Variants in MAP3K7 observed in about 807,000 individuals in gnomAD.
MAP3K7 encodes the protein TGF-beta activated kinase 1.
In MAP3K7, 21 loss-of-function variants were observed where a neutral mutation model predicts 84.8. The observed-to-expected ratio is 0.25, with a 90% CI of 0.18 to 0.36. The LOEUF (loss-of-function observed/expected upper bound fraction) is 0.36, where lower values mean the gene tolerates loss of function less well. MAP3K7 is among the 10% of genes least tolerant of loss of function. The pLI, the probability that MAP3K7 is intolerant of heterozygous loss-of-function variation, is 1.00. For synonymous variants in MAP3K7, 241 were observed against 247.7 expected (o/e 0.97, Z 0.25); for missense variants, 503 against 747.7 (o/e 0.67, Z 3.82).
chr6:90,532,589 C>T (rs536317132), intron 13 of MAP3K7, among the ~76,000 whole-genome samples: 7 of 152,144 alleles, frequency 4.6e-5, no homozygotes, highest in Admixed American at 1.3e-4. Flanking sequence ...ATCTTGCAGT[C>T]GTAATTTTCA....
intron 12 of MAP3K7, among the ~76,000 whole-genome samples, chr6:90,541,955 G>C (rs1775866700): frequency 6.6e-6 from 1 of 151,874 alleles, no homozygotes; most frequent in African/African-American, 2.4e-5. Context: ...TTGGCCAAAG[G>C]GAAGTATTAA....
chr6:90,584,637 T>A (rs964308212), intron 1 of MAP3K7, among the ~76,000 whole-genome samples: 1 of 152,144 alleles, frequency 6.6e-6, no homozygotes, highest in Non-Finnish European at 1.5e-5. Flanking sequence ...AGTAATTTGT[T>A]TTTCCCTGAA....
At chr6:90,560,620 A>T (rs972822931) in intron 4 of MAP3K7, among the ~76,000 whole-genome samples, 3 of 152,178 alleles carry the variant, frequency 2.0e-5, no homozygotes, top group Non-Finnish European at 2.9e-5. Context: ...TTGGCCTCCC[A>T]AAGTGCTGGG....
chr6:90,585,623 C>G (rs1033781168), intron 1 of MAP3K7, among the ~76,000 whole-genome samples: 6 of 148,958 alleles, frequency 4.0e-5, no homozygotes, highest in Non-Finnish European at 8.8e-5. Flanking sequence ...TTTTACTTTT[C>G]TAAATTTTAT....
chr6:90,548,281 C>T, intron 9 of MAP3K7, 104 bp from the exon 10 acceptor site: 1 of 969,150 alleles, frequency 1.0e-6, no homozygotes, highest in Non-Finnish European at 1.5e-6. Context: ...CAGGCAGGAA[C>T]AGAAATAAAA....
At chr6:90,544,451 T>A (rs1775940273) in intron 12 of MAP3K7, 101 bp downstream of exon 12, 12 of 1,002,050 alleles carry the variant, frequency 1.2e-5, no homozygotes, top group Non-Finnish European at 1.7e-5. Flanking sequence ...GGTATCCATT[T>A]TCATGTCTTG....
chr6:90,543,094 T>A (rs200931550), intron 12 of MAP3K7, among the ~76,000 whole-genome samples: 1 of 18,462 alleles, frequency 5.4e-5, no homozygotes, highest in South Asian at 1.6e-3. Flanking sequence ...TTCAGCGGTA[T>A]GTAAGTTTAA....
At position 90,518,489 on chromosome 6, in the gene MAP3K7, T is replaced by C; in HGVS notation, c.1598A>G (p.Tyr533Cys). The change falls in exon 16 of 17, where the codon TAT becomes TGT. Residue 533 changes from tyrosine (Y) to cysteine (C), a missense_variant. This residue lies in a region of MAP3K7 where 36 missense variants were observed against 74.5 expected (regional missense o/e 0.48). Coordinates refer to ENST00000369329, the MANE Select transcript of MAP3K7 (RefSeq NM_145331.3). ...FEQHCKMAQE[Y>C]MKVQTEIALL... ...TGCAATTTCTGTTTGAACTTTCATA[T>C]ATTCTTGTGCCATTTTACAATGCTG... 1 of 1,608,212 alleles carries C rather than the reference T, an allele frequency of 6.2e-7. No individual in the cohort carries two copies. The highest frequency in any genetic ancestry group is 8.5e-7 in the Non-Finnish European group (1 of 1,176,386).
At chr6:90,548,328 C>T (rs1776070675) in intron 9 of MAP3K7, 151 bp from the exon 10 acceptor site, 1 of 654,076 alleles carries the variant, frequency 1.5e-6, no homozygotes, top group East Asian at 3.1e-5. Context: ...TCCAAACAAA[C>T]CCATTTTAAG....
chr6:90,546,314 A>G (rs1338967018), intron 11 of MAP3K7, among the ~76,000 whole-genome samples: 1 of 152,198 alleles, frequency 6.6e-6, no homozygotes, highest in Non-Finnish European at 1.5e-5. Context: ...AAGTGAAAAA[A>G]AGACCTAAAA....
chr6:90,556,671 T>C lies in MAP3K7; in HGVS notation c.483-47A>G, dbSNP rs760555909. The C allele has an allele frequency of 2.1e-5, 32 of 1,539,646 alleles. No homozygotes were observed. In the Middle Eastern group the frequency reaches 7.0e-4, roughly 34 times the overall value. The stretch of plus-strand genomic sequence containing the variant: ...ACATCAAAAGTTACAAGGCCAACAT[T>C]TTATTCTACAATAAAAGAAGAGACA... On this transcript the variant is annotated intron_variant, in intron 5 of 16. Transcript: ENST00000369329.
intron 10 of MAP3K7, among the ~76,000 whole-genome samples, chr6:90,547,659 C>A (rs1317087372): frequency 6.6e-6 from 1 of 152,256 alleles, no homozygotes; most frequent in Admixed American, 6.5e-5. Flanking sequence ...TAAACTCACT[C>A]CTTGAAATAT....
rs541019946 is a variant in MAP3K7 at position 90,549,938 on chromosome 6, C to G, written c.949+530G>C. 7.7e-4 allele frequency among the ~76,000 whole-genome samples: 117 copies of G among 152,234 alleles called. 1 individual carries two copies. Among genetic ancestry groups the G allele is most frequent in the African/African-American group, 2.7e-3 (113 of 41,540 alleles). On this transcript the variant is annotated intron_variant, in intron 9 of 16. Coordinates refer to ENST00000369329, the MANE Select transcript of MAP3K7 (RefSeq NM_145331.3). ...TAATAATGAAATGCTTATAATGCCA[C>G]TATATTTTGAGAAGTACAATATTTC... is the stretch of plus-strand genomic sequence containing the variant.
chr6:90,577,436 A>G (rs1232632966), intron 1 of MAP3K7, among the ~76,000 whole-genome samples: 1 of 152,208 alleles, frequency 6.6e-6, no homozygotes, highest in Non-Finnish European at 1.5e-5. Flanking sequence ...CAAACTTGGG[A>G]GTCATTAGCA....
intron 1 of MAP3K7, among the ~76,000 whole-genome samples, chr6:90,580,102 G>A (rs1054005630): frequency 2.0e-5 from 3 of 152,178 alleles, no homozygotes; most frequent in Admixed American, 6.5e-5. Flanking sequence ...ACATAAAATC[G>A]TGGAGAAGAT....
intron 13 of MAP3K7, among the ~76,000 whole-genome samples, chr6:90,526,166 C>G (rs1291327930): frequency 6.6e-6 from 1 of 152,018 alleles, no homozygotes; most frequent in Non-Finnish European, 1.5e-5. Flanking sequence ...TTTTAATATT[C>G]TTCTGTAAAT....
At chr6:90,520,314 A>T (rs1301959956) in intron 14 of MAP3K7, among the ~76,000 whole-genome samples, 1 of 151,986 alleles carries the variant, frequency 6.6e-6, no homozygotes, top group African/African-American at 2.4e-5. Context: ...ATCCAAAAAA[A>T]CTCAAGAAGG....
At chr6:90,581,151 T>C (rs1210395739) in intron 1 of MAP3K7, among the ~76,000 whole-genome samples, 2 of 152,194 alleles carry the variant, frequency 1.3e-5, no homozygotes, top group Non-Finnish European at 1.5e-5. Context: ...GATGACTCCA[T>C]TCCTTCAGAC....
chr6:90,559,383 TG>T (rs35236391), intron 5 of MAP3K7, among the ~76,000 whole-genome samples: 104,219 of 151,286 alleles, frequency 0.69, 36,130 homozygotes, highest in Middle Eastern at 0.79. Context: ...GGTGGGAGCT[TG>T]GGGGGAGGGT....
Sources: allele counts gnomAD v4.1 joint callset (sites outside exome capture counted in the v4.1 genomes callset), GRCh38; gene constraint gnomAD v4.1.1; regional missense constraint gnomAD v4.1.1; transcripts MANE v1.5; gene names NCBI Gene and HGNC (gene_info 2026-07-23, HGNC 2026-07-21).